CD96: variants seen among roughly 807,000 people sequenced by gnomAD.
The protein encoded by CD96 is T-cell surface protein tactile.
Under a neutral mutation model 71.3 loss-of-function variants are expected in CD96, and 70 were observed. That is an observed-to-expected ratio of 0.98 (90% CI 0.81 to 1.20). The LOEUF (loss-of-function observed/expected upper bound fraction) is 1.20, where lower values mean the gene tolerates loss of function less well. Ranked by LOEUF, CD96 falls within the 50% of genes most tolerant of loss-of-function variation. The pLI, the probability that CD96 is intolerant of heterozygous loss-of-function variation, is 0.00. For synonymous variants in CD96, 248 were observed against 233.0 expected (o/e 1.06, Z -0.59); for missense variants, 742 against 677.5 (o/e 1.10, Z -1.06).
rs546579590 is a variant in CD96 at position 111,578,122 on chromosome 3, A to G, written c.544-905A>G. Among the ~76,000 whole-genome samples, 34 of 152,228 alleles carry G rather than the reference A, an allele frequency of 2.2e-4. 1 individual carries two copies. The highest frequency in any genetic ancestry group is 3.4e-4 in the Non-Finnish European group (23 of 68,042). On this transcript the variant is annotated intron_variant, in intron 3 of 13. Coordinates refer to ENST00000352690, the MANE Select transcript of CD96 (RefSeq NM_005816.5). ...GAATGTTGAGTCATACTAACAGGAT[A>G]TGAAGACCTAACCCATCCTCTACCC...
intron 2 of CD96, among the ~76,000 whole-genome samples, chr3:111,547,672 T>A (rs1424260091): frequency 6.6e-6 from 1 of 152,166 alleles, no homozygotes; most frequent in Non-Finnish European, 1.5e-5. Context: ...TACTAAAAAC[T>A]GCAGGTCACT....
At chr3:111,555,716 T>G (rs1176592093) in intron 2 of CD96, among the ~76,000 whole-genome samples, 3 of 152,302 alleles carry the variant, frequency 2.0e-5, no homozygotes, top group Non-Finnish European at 4.4e-5. Context: ...TTTCAGAAGT[T>G]TGATTATGGG....
intron 7 of CD96, among the ~76,000 whole-genome samples, chr3:111,605,751 G>A (rs747886510): frequency 2.0e-4 from 30 of 152,248 alleles, no homozygotes; most frequent in South Asian, 2.1e-4. Flanking sequence ...TTCCTCCCAC[G>A]GGGCTATGTG....
In CD96 at chr3:111,662,114, G is replaced by A. The variant is rs573755492; in HGVS notation, c.*53-3413G>A. On this transcript the variant is annotated intron_variant and NMD_transcript_variant, in intron 14 of 14. Transcript: ENST00000494798. ...CCAAAACCACATGGAAGCTTCCAAG[G>A]CTTGGGCTTGCACCCTCTGAAGCAA... 3.3e-5 allele frequency among the ~76,000 whole-genome samples: 5 copies of A among 152,316 alleles called. No individual in the cohort carries two copies. The East Asian group carries it at 9.7e-4, about 29-fold the overall frequency.
intron 12 of CD96, among the ~76,000 whole-genome samples, chr3:111,641,233 A>G (rs1338001243): frequency 6.6e-6 from 1 of 152,220 alleles, no homozygotes; most frequent in Non-Finnish European, 1.5e-5. Context: ...CCCATCAACT[A>G]TTTGCTGCCT....
intron 5 of CD96, among the ~76,000 whole-genome samples, chr3:111,595,850 TATAAAAGGA>T (rs1360131248): frequency 1.3e-5 from 2 of 151,898 alleles, no homozygotes; most frequent in Non-Finnish European, 2.9e-5. Context: ...AACTTTGTGT[TATAAAAGGA>T]AAGATAGAAA....
rs191008961 is a variant in CD96, at chr3:111,638,143, G to A, written c.1452G>A (p.Thr484=). 129 of 1,606,542 alleles carry A rather than the reference G, an allele frequency of 8.0e-5. No homozygotes were observed. In the Admixed American group the frequency reaches 1.0e-3, roughly 13 times the overall value. ...TCCCCACAACTGCCAATGGATCTAC[G>A]AAAACTAATCACGTCCATATCACTG... is the stretch of plus-strand genomic sequence containing the variant. ...SEVPTTANGS[T]KTNHVHITGI... Residue 484 remains threonine (T), a synonymous_variant, in exon 12 of 14, where the codon ACG becomes ACA. Coordinates refer to ENST00000352690, the MANE Select transcript of CD96 (RefSeq NM_005816.5).
rs1277398358 is a variant in CD96, at chr3:111,650,669, C to T, written c.*863C>T. ...CTGGGGATTTACCTGTTCATTTAAT[C>T]TGCCTGTTTTGATCTGTTTTGAAAA... On this transcript the variant is annotated 3_prime_UTR_variant, in exon 14 of 14. Transcript: ENST00000352690. 3 of 152,232 alleles carry T rather than the reference C, an allele frequency of 2.0e-5. No individual in the cohort carries two copies. The allele number at this position is 152,232 out of a possible 1,614,324, so 9.4% of individuals were successfully genotyped here.
intron 6 of CD96, 123 bp downstream of exon 6, chr3:111,598,333 A>G (rs1937349712): frequency 2.9e-6 from 2 of 699,068 alleles, no homozygotes. Context: ...CAAGAAAAAC[A>G]TCATTCTGCC....
chr3:111,647,958 C>T (rs940026352), intron 13 of CD96, among the ~76,000 whole-genome samples: 2 of 152,174 alleles, frequency 1.3e-5, no homozygotes, highest in African/African-American at 4.8e-5. Context: ...CTCCTCAAAA[C>T]TAAAACTGAT....
intron 8 of CD96, among the ~76,000 whole-genome samples, chr3:111,614,377 T>C (rs772169166): frequency 2.6e-5 from 4 of 152,182 alleles, no homozygotes; most frequent in African/African-American, 9.7e-5. Flanking sequence ...ACTTCCTTAA[T>C]AGGCTGGATG....
intron 3 of CD96, chr3:111,577,487 G>T (rs1936270466): frequency 1.3e-6 from 2 of 1,584,522 alleles, no homozygotes; most frequent in Non-Finnish European, 1.7e-6. Context: ...TTCTTCTTTT[G>T]CTCTTCTTCC....
chr3:111,660,391 C>T (rs1414359680), intron 14 of CD96, among the ~76,000 whole-genome samples: 3 of 152,136 alleles, frequency 2.0e-5, no homozygotes, highest in African/African-American at 7.2e-5. Context: ...GAAAAACATG[C>T]CATGCTCATA....
rs759449439 is a variant in CD96 at position 111,545,232 on chromosome 3, G to C, written c.248G>C (p.Arg83Thr). 1.2e-6 allele frequency: 2 copies of C among 1,614,186 alleles called. No individual in the cohort carries two copies. The highest frequency in any genetic ancestry group is 3.3e-5 in the Admixed American group (2 of 60,030). ...TACGGCTTCTACTGTGCCTATGGGA[G>C]ACCCTGTGAGTCACTTGTGACTTTC... The part of the protein sequence containing the change: ...PQYGFYCAYG[R>T]PCESLVTFTE... The change falls in exon 2 of 14, where the codon AGA becomes ACA. Residue 83 changes from arginine (R) to threonine (T), a missense_variant. Arg to Thr is a moderately conservative substitution (Grantham distance 71). Transcript: ENST00000352690.
In CD96 at chr3:111,649,696, A is replaced by C. The variant is rs1457204358; in HGVS notation, c.1602-2A>C. On this transcript the variant is annotated splice_acceptor_variant, in intron 13 of 13. Transcript: ENST00000352690. LOFTEE classifies it high-confidence loss of function. The stretch of plus-strand genomic sequence containing the variant: ...ATTGAAAGACCAATATTTTGTTCCT[A>C]GAATGGAAAGACCTCCACCTTTCAA... The C allele has an allele frequency of 6.3e-7, 1 of 1,596,684 alleles. No individual in the cohort carries two copies. Among genetic ancestry groups the C allele is most frequent in the Non-Finnish European group, 8.6e-7 (1 of 1,164,134 alleles).
chr3:111,653,367 C>T (rs1940152354), downstream of CD96, among the ~76,000 whole-genome samples: 1 of 152,192 alleles, frequency 6.6e-6, no homozygotes, highest in Admixed American at 6.5e-5. Context: ...AGTTAACCTA[C>T]ACATATAGAT....
In CD96 at chr3:111,601,005, A is replaced by C. The variant is rs1937472975; in HGVS notation, c.1087+91A>C. The C allele has an allele frequency of 1.6e-5, 14 of 854,148 alleles. No homozygotes were observed. In the South Asian group the frequency reaches 2.1e-4, roughly 13 times the overall value. The allele number at this position is 854,148 out of a possible 1,614,324, so 52.9% of individuals were successfully genotyped here. ...TAATGGGAAGATTATCACTTCCATA[A>C]CGTTTTAATCTCAGAAAACTTTTTA... On this transcript the variant is annotated intron_variant, in intron 7 of 13. Transcript: ENST00000352690.
rs143056592 is a variant in CD96 at position 111,544,663 on chromosome 3, G to A, written c.62-383G>A. On this transcript the variant is annotated intron_variant, in intron 1 of 13. Transcript: ENST00000352690. ...CACGTGTGTATTATATTCAGCTGTC[G>A]TTTTATAACCCAAAAAGCCAATTAT... Among the ~76,000 whole-genome samples, 705 of 152,256 alleles carry A rather than the reference G, an allele frequency of 4.6e-3. 6 individuals carry two copies. The highest frequency in any genetic ancestry group is 0.016 in the African/African-American group (655 of 41,540).
At chr3:111,565,261 C>T (rs1935651768) in intron 2 of CD96, among the ~76,000 whole-genome samples, 1 of 152,068 alleles carries the variant, frequency 6.6e-6, no homozygotes, top group African/African-American at 2.4e-5. Flanking sequence ...GTGGATTTTT[C>T]CCCACCAATT....
Sources: gnomAD v4.1 joint callset for allele counts (sites outside exome capture counted in the v4.1 genomes callset) on GRCh38, gnomAD v4.1.1 for gene constraint, MANE v1.5 for transcripts, NCBI Gene and HGNC (gene_info 2026-07-23, HGNC 2026-07-21) for gene names.